EIF2A: variants seen among roughly 807,000 people sequenced by gnomAD.
EIF2A encodes the protein 65 kDa eukaryotic translation initiation factor 2A.
Under a neutral mutation model 75.2 loss-of-function variants are expected in EIF2A, and 62 were observed. The ratio of observed to expected loss-of-function variants is 0.82; its 90% CI spans 0.67 to 1.02. The LOEUF (loss-of-function observed/expected upper bound fraction) is 1.02. EIF2A is among the 50% of genes least tolerant of loss of function. The pLI, the probability that EIF2A is intolerant of heterozygous loss-of-function variation, is 0.00. For synonymous variants in EIF2A, 207 were observed against 239.0 expected, an observed-to-expected ratio of 0.87 and a Z score of 1.23; for missense variants, 611 against 677.7, an observed-to-expected ratio of 0.90 and a Z score of 1.09.
chr3:150,577,960 A>T (rs1191530203), intron 11 of EIF2A, among the ~76,000 whole-genome samples: 1 of 152,178 alleles, frequency 6.6e-6, no homozygotes, highest in Admixed American at 6.5e-5. Context: ...GCTTTAGGTT[A>T]TTCCAAGTAA....
chr3:150,555,175 C>A (rs1227777957), intron 2 of EIF2A, among the ~76,000 whole-genome samples: 1 of 151,998 alleles, frequency 6.6e-6, no homozygotes, highest in African/African-American at 2.4e-5. Context: ...GAGATCCAAC[C>A]GCCTTGGCCT....
At chr3:150,582,118 A>G (rs1474416082) in intron 12 of EIF2A, among the ~76,000 whole-genome samples, 2 of 151,806 alleles carry the variant, frequency 1.3e-5, no homozygotes, top group African/African-American at 2.4e-5. Context: ...CTCCTGCCTC[A>G]GCCTCCCGAG....
intron 1 of EIF2A, among the ~76,000 whole-genome samples, chr3:150,552,032 C>T (rs980926255): frequency 6.6e-6 from 1 of 152,120 alleles, no homozygotes; most frequent in Admixed American, 6.5e-5. Flanking sequence ...GAGGTGGTAA[C>T]GTATCCAAGG....
intron 1 of EIF2A, among the ~76,000 whole-genome samples, chr3:150,547,390 G>A (rs1414366295): frequency 6.6e-6 from 1 of 152,160 alleles, no homozygotes; most frequent in African/African-American, 2.4e-5. Context: ...AGATATTCTA[G>A]CAACATTTGA....
chr3:150,562,286 G>A (rs1723921901), intron 3 of EIF2A, among the ~76,000 whole-genome samples: 1 of 151,870 alleles, frequency 6.6e-6, no homozygotes, highest in South Asian at 2.1e-4. Flanking sequence ...GCCGGGCGTG[G>A]TGGCGGGCAC....
At chr3:150,559,240 CT>C (rs1559876575) in intron 3 of EIF2A, among the ~76,000 whole-genome samples, 2 of 152,118 alleles carry the variant, frequency 1.3e-5, no homozygotes, top group African/African-American at 4.8e-5. Context: ...CCCATTAATA[CT>C]TGCTTTTTAA....
chr3:150,583,111 CCTTA>C lies in EIF2A; in HGVS notation c.1627-85_1627-82del, dbSNP rs1224824041. 6.2e-5 allele frequency: 67 copies of C among 1,087,046 alleles called. No individual in the cohort carries two copies. In the South Asian group the frequency reaches 8.8e-4, roughly 14 times the overall value. The allele number at this position is 1,087,046 out of a possible 1,614,324, so 67.3% of individuals were successfully genotyped here. On this transcript the variant is annotated intron_variant, in intron 12 of 13. Transcript: ENST00000460851. ...GATACAAATCTAAGATAATTAATCTCCTTACTTGAGTTTCACATTCTTAATAAGG... is the reference window on the plus strand; with the variant it reads ...GATACAAATCTAAGATAATTAATCTCCTTGAGTTTCACATTCTTAATAAGG...
chr3:150,564,990 C>G (rs1426759772), intron 6 of EIF2A: 1 of 262,544 alleles, frequency 3.8e-6, no homozygotes, highest in Non-Finnish European at 7.6e-6. Flanking sequence ...AAATAAGGTA[C>G]TGCACATTGT....
intron 2 of EIF2A, 40 bp from the exon 3 acceptor site, chr3:150,558,346 TAA>T: frequency 7.0e-7 from 1 of 1,438,110 alleles, no homozygotes; most frequent in Non-Finnish European, 9.2e-7. Context: ...TGAAAAGTAT[TAA>T]TGCTTATTCA....
At chr3:150,547,031 T>C in intron 1 of EIF2A, 1 of 618,068 alleles carries the variant, frequency 1.6e-6, no homozygotes, top group Non-Finnish European at 2.8e-6. Flanking sequence ...GTATTCCCCC[T>C]CCCTTTCACC....
At chr3:150,574,873 A>C (rs1724765536) in intron 10 of EIF2A, among the ~76,000 whole-genome samples, 1 of 152,234 alleles carries the variant, frequency 6.6e-6, no homozygotes, top group Non-Finnish European at 1.5e-5. Flanking sequence ...AGTTAACATT[A>C]AAATAATAGC....
intron 6 of EIF2A, chr3:150,565,237 G>T (rs1045524331): frequency 4.4e-6 from 2 of 456,402 alleles, no homozygotes; most frequent in African/African-American, 2.0e-5. Context: ...GTGAGTAAGG[G>T]TAAGACTACA....
intron 9 of EIF2A, 71 bp downstream of exon 9, chr3:150,568,363 A>T (rs1001711131): frequency 3.4e-6 from 4 of 1,186,930 alleles, no homozygotes; most frequent in Non-Finnish European, 2.3e-6. Flanking sequence ...TAAAGATGAT[A>T]TAATCTAAAT....
chr3:150,581,794 A>G, intron 12 of EIF2A, 48 bp downstream of exon 12: 3 of 1,547,816 alleles, frequency 1.9e-6, no homozygotes, highest in Non-Finnish European at 2.6e-6. Flanking sequence ...ATACATGAAA[A>G]TTATATAAGT....
At chr3:150,554,925 T>A (rs1244619586) in intron 2 of EIF2A, among the ~76,000 whole-genome samples, 5 of 145,434 alleles carry the variant, frequency 3.4e-5, no homozygotes, top group Non-Finnish European at 4.6e-5. Flanking sequence ...GATCTTCAGA[T>A]GATTTATATG....
At chr3:150,571,214 A>G (rs935349802) in intron 9 of EIF2A, among the ~76,000 whole-genome samples, 1 of 151,178 alleles carries the variant, frequency 6.6e-6, no homozygotes, top group African/African-American at 2.4e-5. Flanking sequence ...ATCTTGGCTC[A>G]CTGCAACCTC....
At chr3:150,574,988 T>C (rs1004611528) in intron 10 of EIF2A, among the ~76,000 whole-genome samples, 1 of 152,234 alleles carries the variant, frequency 6.6e-6, no homozygotes, top group Non-Finnish European at 1.5e-5. Flanking sequence ...ATTGAATCTA[T>C]AATTCACCAT....
In EIF2A at chr3:150,576,296, C is replaced by T. The variant is rs150538057; in HGVS notation, c.1497+534C>T. 1.2e-3 allele frequency among the ~76,000 whole-genome samples: 176 copies of T among 151,898 alleles called. 2 individuals carry two copies. The East Asian group carries it at 0.034, about 29-fold the overall frequency. On this transcript the variant is annotated intron_variant, in intron 11 of 13. Transcript: ENST00000460851. ...TCTATGAAAAATTTTTTGCTGGGCA[C>T]AATGGCGTGTACCCCGTAGTCCCAG...
chr3:150,549,242 T>A (rs2107896487), intron 1 of EIF2A, among the ~76,000 whole-genome samples: 1 of 146,294 alleles, frequency 6.8e-6, no homozygotes, highest in East Asian at 2.0e-4. Flanking sequence ...TTTTTTGAGA[T>A]AGTTTCGCTC....
Sources: allele counts gnomAD v4.1 joint callset (sites outside exome capture counted in the v4.1 genomes callset), GRCh38; gene constraint gnomAD v4.1.1; transcripts MANE v1.5; gene names NCBI Gene and HGNC (gene_info 2026-07-23, HGNC 2026-07-21).